ECEL1: variants seen among roughly 807,000 people sequenced by gnomAD.
ECEL1 encodes the protein endothelin-converting enzyme-like 1.
A neutral mutation model predicts 101.8 loss-of-function variants in ECEL1; 87 were observed. The ratio of observed to expected loss-of-function variants is 0.85; its 90% CI spans 0.72 to 1.02. The LOEUF is 1.02. Ranked by LOEUF, ECEL1 falls within the 50% of genes least tolerant of loss-of-function variation. The pLI is 0.00. For synonymous variants in ECEL1, 487 were observed against 468.7 expected (o/e 1.04, Z -0.50); for missense variants, 1,032 against 1,079.2 (o/e 0.96, Z 0.61).
chr2:232,483,022 C>T, intron 9 of ECEL1, 68 bp from the exon 10 acceptor site: 2 of 1,612,530 alleles, frequency 1.2e-6, no homozygotes, highest in Middle Eastern at 3.3e-4. Context: ...GGGCAACAAC[C>T]TGGCCGTGCA....
rs1354090491 is a variant in ECEL1 at position 232,484,164 on chromosome 2, G to A, written c.1244C>T (p.Pro415Leu). Reference sequence around the variant, plus strand: ...CTCGTGCAGTGCCTCACGGAATGGCGGGGACAGGTGTTCACTCAGGACCAC... The same window carrying A: ...CTCGTGCAGTGCCTCACGGAATGGCAGGGACAGGTGTTCACTCAGGACCAC... ...VVVVLSEHLS[P>L]PFREALHELA... The change falls in exon 7 of 18, where the codon CCG (proline) becomes CTG (leucine). Residue 415 changes from proline (P) to leucine (L), a missense_variant. Physicochemically the swap from Pro to Leu is moderately conservative, Grantham distance 98 (BLOSUM62 -3). Transcript: ENST00000304546. 5.6e-6 allele frequency: 9 copies of A among 1,613,544 alleles called. No homozygotes were observed. Among genetic ancestry groups the A allele is most frequent in the South Asian group, 1.1e-5 (1 of 91,072 alleles).
intron 7 of ECEL1, 58 bp from the exon 8 acceptor site, chr2:232,483,572 T>C (rs1446477102): frequency 1.7e-5 from 24 of 1,454,480 alleles, no homozygotes; most frequent in African/African-American, 2.8e-5. Flanking sequence ...CTATCACTCC[T>C]GGCAGGAGGG....
intron 15 of ECEL1, 21 bp downstream of exon 15, chr2:232,481,070 G>A (rs1325181897): frequency 7.7e-6 from 12 of 1,552,886 alleles, no homozygotes; most frequent in Non-Finnish European, 1.0e-5. Flanking sequence ...AGCAGGGGTG[G>A]AGCACAGGCA....
chr2:232,484,093 G>A lies in ECEL1; in HGVS notation c.1315C>T (p.Arg439Trp), dbSNP rs370872631. 2.4e-5 allele frequency: 39 copies of A among 1,613,748 alleles called. No homozygotes were observed. Among genetic ancestry groups the A allele is most frequent in the Non-Finnish European group, 2.7e-5 (32 of 1,180,006 alleles). ...EGSDKPQELA[R>W]VCLGQANRHF... ...CGATTGGCCTGGCCCAAGCAGACCC[G>A]GGCCAGCTCCTGTGGCTTGTCGCTG... The change falls in exon 7 of 18, where the codon CGG becomes TGG. Residue 439 changes from arginine (R) to tryptophan (W), a missense_variant. Coordinates refer to ENST00000304546, the MANE Select transcript of ECEL1 (RefSeq NM_004826.4).
intron 3 of ECEL1, 50 bp downstream of exon 3, chr2:232,485,149 C>T (rs1690687657): frequency 6.2e-7 from 1 of 1,612,454 alleles, no homozygotes; most frequent in East Asian, 2.2e-5. Flanking sequence ...TGGATCCACC[C>T]CTCCTGGGGC....
At chr2:232,482,319 G>C in intron 12 of ECEL1, 99 bp downstream of exon 12, 1 of 1,534,842 alleles carries the variant, frequency 6.5e-7, no homozygotes, top group Non-Finnish European at 9.0e-7. Flanking sequence ...GCTGGGTCTG[G>C]GGCGATTGGA....
At chr2:232,482,828 C>T in intron 10 of ECEL1, 23 bp downstream of exon 10, 3 of 1,612,372 alleles carry the variant, frequency 1.9e-6, no homozygotes, top group Non-Finnish European at 2.5e-6. Context: ...TCCCTGACCC[C>T]CAGCTCTGGG....
chr2:232,482,726 C>G lies in ECEL1; in HGVS notation c.1686-118G>C. On this transcript the variant is annotated intron_variant, in intron 10 of 17. Transcript: ENST00000304546. ...CTGGGGGTCACCCTGCCGGCCCCCA[C>G]CCCATGCCCTGTGCTGGCGTGTGTG... 2.0e-6 allele frequency: 3 copies of G among 1,500,044 alleles called. No homozygotes were observed. The South Asian group carries it at 3.6e-5, about 18-fold the overall frequency. 92.9% of individuals were successfully genotyped at this position (1,500,044 alleles called of 1,614,324 possible).
chr2:232,481,505 C>A lies in ECEL1; in HGVS notation c.1989+1G>T. The stretch of plus-strand genomic sequence containing the variant: ...GCACAAGGGGCAGGTGGGGGTCTCA[C>A]CCGCTGGTTGTAGACAGTGAAGTTG... On this transcript the variant is annotated splice_donor_variant, in intron 14 of 17. Coordinates refer to ENST00000304546, the MANE Select transcript of ECEL1 (RefSeq NM_004826.4). LOFTEE classifies it high-confidence loss of function. The A allele has an allele frequency of 6.2e-7, 1 of 1,606,748 alleles. No homozygotes were observed. The highest frequency in any genetic ancestry group is 8.5e-7 in the Non-Finnish European group (1 of 1,176,972).
intron 10 of ECEL1, 64 bp from the exon 11 acceptor site, chr2:232,482,672 A>C: frequency 6.4e-7 from 1 of 1,562,434 alleles, no homozygotes; most frequent in Non-Finnish European, 8.7e-7. Flanking sequence ...CTCACATCAC[A>C]GCTTCCTCGT....
chr2:232,480,916 G>T, intron 15 of ECEL1, 103 bp from the exon 16 acceptor site: 1 of 1,369,706 alleles, frequency 7.3e-7, no homozygotes, highest in Non-Finnish European at 1.0e-6. Flanking sequence ...CCTGTGAAGG[G>T]GGGCCCGTGA....
In ECEL1 at chr2:232,480,217, C is replaced by T. The variant is rs200607176; in HGVS notation, c.2264G>A (p.Gly755Asp). Residue 755 changes from glycine to aspartate, a missense_variant, in exon 18 of 18, where the codon GGC (glycine) becomes GAC (aspartate). Transcript: ENST00000304546. ...GTCCTTGGGACAGTGGAAAGCCCGG[C>T]CAAACTCCTCAAACTGGGACACACT... ...LGSVSQFEEFGRAFHCPKDSP... is the reference protein window; with the variant it reads ...LGSVSQFEEFDRAFHCPKDSP... 32 of 1,613,994 alleles carry T rather than the reference C, an allele frequency of 2.0e-5. No homozygotes were observed. Among genetic ancestry groups the T allele is most frequent in the Non-Finnish European group, 2.5e-5 (29 of 1,179,978 alleles).
At position 232,482,429 on chromosome 2, in the gene ECEL1, A is replaced by G. The variant is rs532298898; in HGVS notation, c.1785T>C (p.Pro595=). The change falls in exon 12 of 18, where the codon CCT becomes CCC. Residue 595 remains proline (P), a synonymous_variant. Transcript: ENST00000304546. Reference sequence around the variant, plus strand: ...AGCTATGTACTCACTGTGGGAAGTCAGGGTCGTACAGGGTGGGCTGCAGGA... The same window carrying G: ...AGCTATGTACTCACTGTGGGAAGTCGGGGTCGTACAGGGTGGGCTGCAGGA... The part of the protein sequence containing the change: ...AGILQPTLYD[P]DFPQSLNYGG... 7.1e-5 allele frequency: 115 copies of G among 1,613,948 alleles called. 2 individuals carry two copies. The South Asian group carries it at 1.2e-3, about 17-fold the overall frequency.
chr2:232,481,422 T>A, intron 14 of ECEL1, 84 bp downstream of exon 14: 1 of 1,528,862 alleles, frequency 6.5e-7, no homozygotes. Flanking sequence ...TTTGGACATG[T>A]GCACGTGCGC....
chr2:232,481,827 C>T lies in ECEL1; in HGVS notation c.1819G>A (p.Gly607Ser). The part of the protein sequence containing the change: ...FPQSLNYGGI[G>S]TIIGHELTHG... ...GTCAGCTCATGTCCAATGATGGTGC[C>T]GATGCCCCCGTAGTTGAGAGACCTG... Residue 607 changes from glycine to serine, a missense_variant, in exon 13 of 18, where the codon GGC (glycine) becomes AGC (serine). Physicochemically the swap from Gly to Ser is moderately conservative, Grantham distance 56. Transcript: ENST00000304546. 4.3e-6 allele frequency: 7 copies of T among 1,613,976 alleles called. No homozygotes were observed. Among genetic ancestry groups the T allele is most frequent in the Non-Finnish European group, 4.2e-6 (5 of 1,180,006 alleles).
chr2:232,482,249 T>G (rs954925501), intron 12 of ECEL1, among the ~76,000 whole-genome samples, 169 bp downstream of exon 12: 2 of 152,162 alleles, frequency 1.3e-5, no homozygotes, highest in Non-Finnish European at 2.9e-5. Flanking sequence ...CACATTTTTC[T>G]AAATAACCAA....
Position 232,482,410 on chromosome 2 carries a change from G to A in ECEL1, c.1796+8C>T. The A allele has an allele frequency of 6.2e-7, 1 of 1,613,858 alleles. No homozygotes were observed. The highest frequency in any genetic ancestry group is 1.1e-5 in the South Asian group (1 of 91,082). On this transcript the variant is annotated splice_region_variant and intron_variant, in intron 12 of 17. Coordinates refer to ENST00000304546, the MANE Select transcript of ECEL1 (RefSeq NM_004826.4). ...CTCAGCCACAAACAGGGCAAGCTAT[G>A]TACTCACTGTGGGAAGTCAGGGTCG...
rs1177380871 is a variant in ECEL1 at position 232,486,483 on chromosome 2, C to A, written c.171G>T (p.Arg57=). ...GCCCCGACAGCAGGCACACCTCGCG[C>A]CGGTTCCAGCGCGGCAGCCCGGACC... ...GARSGLPRWN[R]REVCLLSGLV... Residue 57 remains arginine (R), a synonymous_variant, in exon 2 of 18, where the codon CGG becomes CGT. Transcript: ENST00000304546. 2.1e-6 allele frequency: 3 copies of A among 1,422,554 alleles called. No individual in the cohort carries two copies. In the African/African-American group the frequency reaches 4.5e-5, roughly 22 times the overall value. 88.1% of individuals were successfully genotyped at this position (1,422,554 alleles called of 1,614,324 possible).
rs1358600178 is a variant in ECEL1, at chr2:232,486,610, T to C, written c.44A>G (p.Gln15Arg). The C allele has an allele frequency of 6.6e-7, 1 of 1,522,340 alleles. No homozygotes were observed. The highest frequency in any genetic ancestry group is 8.7e-7 in the Non-Finnish European group (1 of 1,145,326). The allele number at this position is 1,522,340 out of a possible 1,614,324, so 94.3% of individuals were successfully genotyped here. ...GCAGCGGCTCACGTACTTGACCTCT[T>C]GGAACTCATCGTAGTGCGCCGTCAG... ...YSLTAHYDEF[Q>R]EVKYVSRCGA... Residue 15 changes from glutamine to arginine, a missense_variant, in exon 2 of 18, where the codon CAA becomes CGA. By Grantham distance (43) the Gln-to-Arg change is conservative. Coordinates refer to ENST00000304546, the MANE Select transcript of ECEL1 (RefSeq NM_004826.4).
Sources: gnomAD v4.1 joint callset for allele counts (sites outside exome capture counted in the v4.1 genomes callset) on GRCh38, gnomAD v4.1.1 for gene constraint, MANE v1.5 for transcripts, NCBI Gene and HGNC (gene_info 2026-07-23, HGNC 2026-07-21) for gene names.